LINGO1: variants seen among roughly 807,000 people sequenced by gnomAD.
The protein encoded by LINGO1 is leucine-rich repeat and immunoglobulin-like domain-containing nogo receptor-interacting protein 1.
Under a neutral mutation model 37.3 loss-of-function variants are expected in LINGO1, and 11 were observed. The ratio of observed to expected loss-of-function variants is 0.29; its 90% CI spans 0.19 to 0.49. The LOEUF (loss-of-function observed/expected upper bound fraction) is 0.49. Ranked by LOEUF, LINGO1 falls within the 20% of genes least tolerant of loss-of-function variation. The probability of loss-of-function intolerance (pLI) is 0.99; values close to 1 mark genes in which losing one functional copy is unlikely to be tolerated. For missense variants in LINGO1, 585 were observed against 878.2 expected (o/e 0.67, Z 4.22); for synonymous variants, 387 against 403.0 (o/e 0.96, Z 0.48).
rs567405164 is a variant in LINGO1 at position 77,744,620 on chromosome 15, G to A, written c.-256-9567C>T. On this transcript the variant is annotated intron_variant, in intron 1 of 3. Coordinates refer to the LINGO1 transcript ENST00000561686. ...GTCAGCATTATTCTAAACTTTACAT[G>A]TATAAACTCATCTAATCAACACGAC... is the stretch of plus-strand genomic sequence containing the variant. Among the ~76,000 whole-genome samples the A allele has an allele frequency of 1.1e-4, 16 of 152,338 alleles. No individual in the cohort carries two copies. In the South Asian group the frequency reaches 2.3e-3, roughly 22 times the overall value.
rs1270334315 is a variant in LINGO1, at chr15:77,632,791, G to GGGCCGGGACCAGGACCCACCGC, written c.-498_-477dup. On this transcript the variant is annotated 5_prime_UTR_variant, in exon 1 of 2. Transcript: ENST00000355300. This position sits in a 1 kb window ranked among gnomAD's most constrained non-coding sequence, Gnocchi z 6.0. ...GCGGGTGGGGACTCCGCGCCCTCCG[G>GGGCCGGGACCAGGACCCACCGC]GGCCGGGACCAGGACCCACCGCCGC... Among the ~76,000 whole-genome samples, 55 of 146,596 alleles carry GGGCCGGGACCAGGACCCACCGC rather than the reference G, an allele frequency of 3.8e-4. No homozygotes were observed. The highest frequency in any genetic ancestry group is 7.6e-4 in the Non-Finnish European group (50 of 65,936).
At chr15:77,704,263 G>A (rs184227455) in intron 2 of LINGO1, among the ~76,000 whole-genome samples, 1 of 152,306 alleles carries the variant, frequency 6.6e-6, no homozygotes, top group African/African-American at 2.4e-5. Flanking sequence ...CAAGCAGAGA[G>A]CTCAGAGGGA....
At chr15:77,769,632 C>T (rs1004155731) in intron 1 of LINGO1, among the ~76,000 whole-genome samples, 1 of 152,252 alleles carries the variant, frequency 6.6e-6, no homozygotes, top group South Asian at 2.1e-4. Flanking sequence ...TGGAGAGAGG[C>T]TGGGGGAAGA....
chr15:77,758,880 T>C (rs2076447030), intron 1 of LINGO1, among the ~76,000 whole-genome samples: 3 of 151,288 alleles, frequency 2.0e-5, no homozygotes. Flanking sequence ...GGGAGGAAAA[T>C]AGTTGGGTGA....
chr15:77,781,680 G>T (rs2076718770), intron 1 of LINGO1, among the ~76,000 whole-genome samples: 1 of 152,220 alleles, frequency 6.6e-6, no homozygotes. Flanking sequence ...GAGATGGCAG[G>T]TGTGATCAGC....
intron 2 of LINGO1, among the ~76,000 whole-genome samples, chr15:77,723,645 A>G (rs760572258): frequency 2.0e-5 from 3 of 152,122 alleles, no homozygotes; most frequent in Non-Finnish European, 2.9e-5. Context: ...GCCCCACCCT[A>G]GTCCAGGCTC....
chr15:77,776,504 G>GGCAGGAAGGCAGGAAGGCAGGAAA lies in LINGO1; in HGVS notation c.-257+10364_-257+10365insTTTCCTGCCTTCCTGCCTTCCTGC, dbSNP rs2076648844. Among the ~76,000 whole-genome samples the GGCAGGAAGGCAGGAAGGCAGGAAA allele has an allele frequency of 1.1e-4, 8 of 73,454 alleles. 1 individual carries two copies. Among genetic ancestry groups the GGCAGGAAGGCAGGAAGGCAGGAAA allele is most frequent in the Admixed American group, 3.0e-4 (2 of 6,658 alleles). The allele number at this position is 73,454 out of a possible 152,430, so 48.2% of individuals were successfully genotyped here. A position where few individuals can be genotyped will look rare whatever the true frequency, so the allele number is the denominator to read the frequency against. On this transcript the variant is annotated intron_variant, in intron 1 of 3. Coordinates refer to the LINGO1 transcript ENST00000561686. ...AGGCAGGAAAGCAGGAAGGCAGGAA[G>GGCAGGAAGGCAGGAAGGCAGGAAA]GCAGGAAGGCAGGAAGGGAGGAAGG...
rs34476518 is a variant in LINGO1 at position 77,668,792 on chromosome 15, TACACAC to T, written c.-13+8291_-13+8296del. 7.6e-3 allele frequency among the ~76,000 whole-genome samples: 1,026 copies of T among 134,842 alleles called. 10 individuals carry two copies. Among genetic ancestry groups the T allele is most frequent in the African/African-American group, 0.02 (724 of 36,048 alleles). 88.5% of individuals were successfully genotyped at this position (134,842 alleles called of 152,430 possible). A position where few individuals can be genotyped will look rare whatever the true frequency, so the allele number is the denominator to read the frequency against. On this transcript the variant is annotated intron_variant, in intron 3 of 3. Transcript: ENST00000559893. The stretch of plus-strand genomic sequence containing the variant: ...CTGCCCTGGGGAGCTCACAGGGGAA[TACACAC>T]ACACACACACACACACACACACACA...
intron 1 of LINGO1, among the ~76,000 whole-genome samples, chr15:77,810,330 GCACACACACACA>G (rs985818947): frequency 6.8e-6 from 1 of 147,766 alleles, no homozygotes; most frequent in South Asian, 2.2e-4. Context: ...ACATACACAT[GCACACACACACA>G]CATGCACACA....
chr15:77,759,484 G>A (rs762053017), intron 1 of LINGO1, among the ~76,000 whole-genome samples: 9 of 152,224 alleles, frequency 5.9e-5, no homozygotes, highest in Non-Finnish European at 8.8e-5. Context: ...TGAAAAAATG[G>A]AGCCAATTAC....
chr15:77,721,211 C>A (rs2076046386), intron 2 of LINGO1, among the ~76,000 whole-genome samples: 4 of 152,154 alleles, frequency 2.6e-5, no homozygotes. Flanking sequence ...CCTCGTGAGA[C>A]CCGGCCCTAA....
intron 1 of LINGO1, among the ~76,000 whole-genome samples, chr15:77,631,875 C>T (rs537990803): frequency 6.6e-6 from 1 of 152,232 alleles, no homozygotes; most frequent in South Asian, 2.1e-4. Flanking sequence ...AGCCCCTGAC[C>T]TGTGTCCACC....
At chr15:77,764,046 G>A (rs2076503458) in intron 1 of LINGO1, among the ~76,000 whole-genome samples, 2 of 152,242 alleles carry the variant, frequency 1.3e-5, no homozygotes, top group South Asian at 2.1e-4. Flanking sequence ...AAAGAAAGGG[G>A]CCTTTTAGGA....
At chr15:77,769,705 A>G (rs902425160) in intron 1 of LINGO1, among the ~76,000 whole-genome samples, 3 of 152,060 alleles carry the variant, frequency 2.0e-5, no homozygotes, top group East Asian at 1.9e-4. Flanking sequence ...ACAGTGCTGG[A>G]CGGCTGTTTA....
chr15:77,661,888 G>A (rs1161449137), intron 3 of LINGO1, among the ~76,000 whole-genome samples: 1 of 152,180 alleles, frequency 6.6e-6, no homozygotes, highest in Non-Finnish European at 1.5e-5. Context: ...GACCCTTCCA[G>A]GGCCCATGGT....
chr15:77,672,955 TG>T (rs960198478), intron 3 of LINGO1, among the ~76,000 whole-genome samples: 1 of 152,152 alleles, frequency 6.6e-6, no homozygotes, highest in African/African-American at 2.4e-5. Flanking sequence ...CAGCGAGGTC[TG>T]GACAGACATG....
chr15:77,738,747 TGAAGGAAGGAAG>T (rs1166793124), intron 1 of LINGO1, among the ~76,000 whole-genome samples: 2,489 of 110,762 alleles, frequency 0.022, 54 homozygotes, highest in African/African-American at 0.052. Flanking sequence ...ACATATTTGC[TGAAGGAAGGAAG>T]GAAGGAAGGA....
chr15:77,717,704 C>A (rs1341207038), intron 2 of LINGO1, among the ~76,000 whole-genome samples: 1 of 150,776 alleles, frequency 6.6e-6, no homozygotes, highest in East Asian at 2.1e-4. Context: ...CCAGGGCGGC[C>A]CCCACCAAGC....
At chr15:77,712,752 C>T (rs368153433) in intron 2 of LINGO1, among the ~76,000 whole-genome samples, 1 of 152,202 alleles carries the variant, frequency 6.6e-6, no homozygotes, top group Non-Finnish European at 1.5e-5. Context: ...CCCCAGTCCT[C>T]TGCCCCTGCA....
Sources: allele counts gnomAD v4.1 joint callset (sites outside exome capture counted in the v4.1 genomes callset), GRCh38; gene constraint gnomAD v4.1.1; non-coding constraint Gnocchi (gnomAD v3.1); transcripts MANE v1.5; gene names NCBI Gene and HGNC (gene_info 2026-07-23, HGNC 2026-07-21).